Variants in KSR1 observed in about 807,000 individuals in gnomAD.
KSR1 encodes kinase suppressor of ras 1.
KSR1 carries 35 observed loss-of-function variants against 92.9 expected under a neutral mutation model. That is an observed-to-expected ratio of 0.38 (90% CI 0.29 to 0.50). The LOEUF (loss-of-function observed/expected upper bound fraction) is 0.50, where lower values mean the gene tolerates loss of function less well. KSR1 is among the 20% of genes least tolerant of loss of function. The probability of loss-of-function intolerance (pLI) is 0.94; values close to 1 mark genes in which losing one functional copy is unlikely to be tolerated. For missense variants in KSR1, 972 were observed against 1,158.5 expected, an observed-to-expected ratio of 0.84 and a Z score of 2.34; for synonymous variants, 467 against 472.6, an observed-to-expected ratio of 0.99 and a Z score of 0.15.
chr17:27,524,386 A>C (rs964908722), intron 1 of KSR1, among the ~76,000 whole-genome samples: 1 of 152,214 alleles, frequency 6.6e-6, no homozygotes, highest in Non-Finnish European at 1.5e-5. Context: ...ATGTGTCAAG[A>C]TCTTTGAACT....
chr17:27,601,317 T>C, intron 10 of KSR1, 43 bp from the exon 11 acceptor site: 1 of 1,571,878 alleles, frequency 6.4e-7, no homozygotes, highest in Non-Finnish European at 8.7e-7. Context: ...CCTCCTGCGT[T>C]GGCCGTTCTG....
chr17:27,544,471 TAGTGAG>T (rs1246894746), intron 1 of KSR1, among the ~76,000 whole-genome samples: 1 of 152,246 alleles, frequency 6.6e-6, no homozygotes, highest in Non-Finnish European at 1.5e-5. Context: ...CCCAGATACT[TAGTGAG>T]CGCCTGCTGT....
At chr17:27,534,588 CCTGA>C (rs1479695252) in intron 1 of KSR1, among the ~76,000 whole-genome samples, 1 of 152,240 alleles carries the variant, frequency 6.6e-6, no homozygotes, top group Non-Finnish European at 1.5e-5. Flanking sequence ...GGCCCCAGCA[CCTGA>C]CTATCCATCA....
chr17:27,592,569 G>T lies in KSR1; in HGVS notation c.1242G>T (p.Pro414=), dbSNP rs775715540. 6.2e-7 allele frequency: 1 copy of T among 1,613,914 alleles called. No individual in the cohort carries two copies. Among genetic ancestry groups the T allele is most frequent in the Non-Finnish European group, 8.5e-7 (1 of 1,179,878 alleles). Residue 414 remains proline, a synonymous_variant, in exon 9 of 21, where the codon CCG becomes CCT. Transcript: ENST00000644974. ...TESVPSDINN[P]VDRAAEPHFG... is the part of the protein sequence containing the mutation. Reference sequence around the variant, plus strand: ...CTGTCCCCTCGGACATCAACAACCCGGTGGACAGAGCAGCCGAACCCCATT... The same window carrying T: ...CTGTCCCCTCGGACATCAACAACCCTGTGGACAGAGCAGCCGAACCCCATT...
chr17:27,604,129 G>A (rs1449725743), intron 12 of KSR1, among the ~76,000 whole-genome samples: 3 of 152,182 alleles, frequency 2.0e-5, no homozygotes, highest in Admixed American at 6.5e-5. Flanking sequence ...ACCCAGGCGG[G>A]TTGGATAGAG....
chr17:27,475,256 C>CGGGTCTCTGAGCACAGGTGTGAA (rs2068306444), intron 1 of KSR1, among the ~76,000 whole-genome samples: 1 of 152,106 alleles, frequency 6.6e-6, no homozygotes, highest in South Asian at 2.1e-4. Flanking sequence ...ACTGCACTCA[C>CGGGTCTCTGAGCACAGGTGTGAA]GGGTCTCTGA....
intron 1 of KSR1, among the ~76,000 whole-genome samples, chr17:27,492,872 T>C (rs1482961861): frequency 6.6e-6 from 1 of 152,218 alleles, no homozygotes; most frequent in Non-Finnish European, 1.5e-5. Flanking sequence ...GAAAACATGG[T>C]TGAATTCCTG....
chr17:27,513,293 C>A (rs772041242), intron 1 of KSR1, among the ~76,000 whole-genome samples: 1 of 152,012 alleles, frequency 6.6e-6, no homozygotes, highest in Non-Finnish European at 1.5e-5. Flanking sequence ...TGAGGATATT[C>A]CTAAAAAATG....
At chr17:27,557,760 G>GT (rs2071660944) in intron 2 of KSR1, among the ~76,000 whole-genome samples, 2 of 152,208 alleles carry the variant, frequency 1.3e-5, no homozygotes, top group African/African-American at 2.4e-5. Flanking sequence ...GAGAGACCAT[G>GT]TGGAGTGGTA....
chr17:27,524,989 T>C (rs1303007402), intron 1 of KSR1, among the ~76,000 whole-genome samples: 2 of 152,250 alleles, frequency 1.3e-5, no homozygotes, highest in African/African-American at 4.8e-5. Flanking sequence ...CATGAAGTTG[T>C]AAATGTCAGA....
At chr17:27,538,513 T>C (rs1386674632) in intron 1 of KSR1, among the ~76,000 whole-genome samples, 2 of 152,188 alleles carry the variant, frequency 1.3e-5, no homozygotes, top group South Asian at 2.1e-4. Flanking sequence ...CAAGGGAAGC[T>C]GAAAGTGGGG....
At chr17:27,545,749 G>C (rs1321178063) in intron 1 of KSR1, among the ~76,000 whole-genome samples, 2 of 152,228 alleles carry the variant, frequency 1.3e-5, no homozygotes, top group Non-Finnish European at 2.9e-5. Flanking sequence ...GATCCTTGTA[G>C]GCGGAGAGTC....
intron 12 of KSR1, 125 bp downstream of exon 12, chr17:27,604,013 C>CT: frequency 1.1e-6 from 1 of 923,262 alleles, no homozygotes; most frequent in Non-Finnish European, 1.7e-6. Context: ...ACTCCCTGGG[C>CT]TCATTCACCC....
At position 27,581,275 on chromosome 17, in the gene KSR1, C is replaced by A. The variant is rs2004584; in HGVS notation, c.521-1371C>A. ...GTGCCAAAACAGTCATGAGAAACCA[C>A]GCCCATGATCCAGTCACCTCCCACC... On this transcript the variant is annotated intron_variant, in intron 3 of 20. Transcript: ENST00000644974. 3.9e-5 allele frequency among the ~76,000 whole-genome samples: 6 copies of A among 151,956 alleles called. 1 individual carries two copies. Among genetic ancestry groups the A allele is most frequent in the Admixed American group, 3.3e-4 (5 of 15,266 alleles).
chr17:27,492,237 TGTGGTTCAGGG>T (rs1279650190), intron 1 of KSR1, among the ~76,000 whole-genome samples: 1 of 152,206 alleles, frequency 6.6e-6, no homozygotes, highest in Non-Finnish European at 1.5e-5. Context: ...ATTTAGAGGC[TGTGGTTCAGGG>T]GTGAGCAAAG....
intron 2 of KSR1, among the ~76,000 whole-genome samples, chr17:27,573,443 C>T (rs747378336): frequency 5.9e-5 from 9 of 152,146 alleles, no homozygotes; most frequent in Non-Finnish European, 1.3e-4. Context: ...TAAGTTCAGC[C>T]TAAAGGTTTT....
At chr17:27,549,658 G>A (rs868476636) in intron 1 of KSR1, among the ~76,000 whole-genome samples, 2 of 152,292 alleles carry the variant, frequency 1.3e-5, no homozygotes, top group African/African-American at 4.8e-5. Context: ...ACATTTCAGG[G>A]TGTGGATCCC....
rs1035860249 is a variant in KSR1 at position 27,584,094 on chromosome 17, C to T, written c.980+989C>T. 18 of 532,900 alleles carry T rather than the reference C, an allele frequency of 3.4e-5. No individual in the cohort carries two copies. In the East Asian group the frequency reaches 4.4e-4, roughly 13 times the overall value. 33.0% of individuals were successfully genotyped at this position (532,900 alleles called of 1,614,324 possible). On this transcript the variant is annotated intron_variant, in intron 4 of 20. Coordinates refer to ENST00000644974, the MANE Select transcript of KSR1 (RefSeq NM_001394583.1). ...ATTGCCCTTGTCAGTATACCCTTGG[C>T]AGCACAGAAAGAAAGGGAGTGTTTT...
intron 4 of KSR1, 44 bp downstream of exon 4, chr17:27,583,149 T>G: frequency 4.5e-6 from 6 of 1,325,236 alleles, no homozygotes; most frequent in Non-Finnish European, 6.1e-6. Context: ...CCCTCTGTGG[T>G]TTTCTAATCA....
Sources: allele counts gnomAD v4.1 joint callset (sites outside exome capture counted in the v4.1 genomes callset), GRCh38; gene constraint gnomAD v4.1.1; transcripts MANE v1.5; gene names NCBI Gene and HGNC (gene_info 2026-07-23, HGNC 2026-07-21).